DOK6: variants seen among roughly 807,000 people sequenced by gnomAD.
The protein encoded by DOK6 is docking protein 6.
DOK6 carries 22 observed loss-of-function variants against 44.0 expected under a neutral mutation model. That is an observed-to-expected ratio of 0.50 (90% CI 0.36 to 0.71). The LOEUF (loss-of-function observed/expected upper bound fraction) is 0.71, where lower values mean the gene tolerates loss of function less well. Ranked by LOEUF, DOK6 falls within the 30% of genes least tolerant of loss-of-function variation. The probability of loss-of-function intolerance (pLI) is 0.00; values close to 1 mark genes in which losing one functional copy is unlikely to be tolerated. For synonymous variants in DOK6, 166 were observed against 145.5 expected (o/e 1.14, Z -1.01); for missense variants, 340 against 416.4 (o/e 0.82, Z 1.60).
chr18:69,764,442 C>T (rs72969282), intron 7 of DOK6, among the ~76,000 whole-genome samples: 5,503 of 152,212 alleles, frequency 0.036, 132 homozygotes, highest in Middle Eastern at 0.078. Flanking sequence ...CATTAGGTAA[C>T]GGGGGCAGTT....
At chr18:69,519,938 T>C (rs1219872397) in intron 1 of DOK6, among the ~76,000 whole-genome samples, 1 of 151,900 alleles carries the variant, frequency 6.6e-6, no homozygotes, top group Non-Finnish European at 1.5e-5. Flanking sequence ...AATTTTAAAA[T>C]GAAATGTTAT....
At chr18:69,755,187 G>A (rs975666081) in intron 6 of DOK6, among the ~76,000 whole-genome samples, 17 of 152,182 alleles carry the variant, frequency 1.1e-4, no homozygotes, top group African/African-American at 3.6e-4. Flanking sequence ...AATACAGGGT[G>A]ATTCAGAAGC....
At chr18:69,517,794 G>A (rs997321586) in intron 1 of DOK6, among the ~76,000 whole-genome samples, 12 of 151,156 alleles carry the variant, frequency 7.9e-5, no homozygotes, top group African/African-American at 1.7e-4. Context: ...AGCAAATGAC[G>A]TGGATGTGCG....
intron 6 of DOK6, among the ~76,000 whole-genome samples, chr18:69,755,686 G>A (rs913827796): frequency 1.3e-5 from 2 of 152,202 alleles, no homozygotes; most frequent in Non-Finnish European, 2.9e-5. Flanking sequence ...TGTAATGCAC[G>A]TTTTTAACGT....
intron 1 of DOK6, among the ~76,000 whole-genome samples, chr18:69,519,163 G>C (rs1017230451): frequency 6.6e-6 from 1 of 151,916 alleles, no homozygotes; most frequent in African/African-American, 2.4e-5. Flanking sequence ...ATTTTGTATT[G>C]AGCACCAGAG....
intron 1 of DOK6, among the ~76,000 whole-genome samples, chr18:69,557,416 C>G (rs1294204284): frequency 6.6e-6 from 1 of 152,182 alleles, no homozygotes; most frequent in African/African-American, 2.4e-5. Flanking sequence ...AATCTGCCAC[C>G]TACTTCACAG....
At chr18:69,736,043 C>T (rs1257556611) in intron 5 of DOK6, among the ~76,000 whole-genome samples, 1 of 152,192 alleles carries the variant, frequency 6.6e-6, no homozygotes, top group Non-Finnish European at 1.5e-5. Flanking sequence ...TTGTCCTCCT[C>T]ATGGCCCTGT....
intron 5 of DOK6, among the ~76,000 whole-genome samples, chr18:69,711,403 T>A (rs1599278277): frequency 6.6e-6 from 1 of 152,220 alleles, no homozygotes; most frequent in African/African-American, 2.4e-5. Context: ...GCAATTTTCA[T>A]ACCGTTGTTA....
chr18:69,564,426 C>T, intron 1 of DOK6, 61 bp from the exon 2 acceptor site: 1 of 1,435,080 alleles, frequency 7.0e-7, no homozygotes, highest in Non-Finnish European at 9.6e-7. Flanking sequence ...ATTGAATCAA[C>T]TCCTAATGTC....
intron 7 of DOK6, among the ~76,000 whole-genome samples, chr18:69,788,337 CACTT>C (rs1027641565): frequency 9.2e-5 from 14 of 152,162 alleles, no homozygotes; most frequent in African/African-American, 3.1e-4. Context: ...TCTTCTCACT[CACTT>C]AAACAATTGT....
At chr18:69,674,300 C>G (rs944526429) in intron 3 of DOK6, among the ~76,000 whole-genome samples, 8 of 152,174 alleles carry the variant, frequency 5.3e-5, no homozygotes, top group African/African-American at 1.9e-4. Context: ...TCCAAGTATA[C>G]AGACTACAAA....
At chr18:69,492,372 C>T (rs1027646215) in intron 1 of DOK6, among the ~76,000 whole-genome samples, 1 of 151,720 alleles carries the variant, frequency 6.6e-6, no homozygotes, top group Non-Finnish European at 1.5e-5. Flanking sequence ...CTAATAAACC[C>T]CTTATTTCTT....
At chr18:69,409,012 C>G (rs113588697) in intron 1 of DOK6, among the ~76,000 whole-genome samples, 1,619 of 152,192 alleles carry the variant, frequency 0.011, 33 homozygotes, top group African/African-American at 0.037. Flanking sequence ...TGAATTGTAG[C>G]TCCCATAATC....
intron 3 of DOK6, among the ~76,000 whole-genome samples, chr18:69,669,627 C>A (rs1431053205): frequency 6.6e-6 from 1 of 152,136 alleles, no homozygotes; most frequent in African/African-American, 2.4e-5. Context: ...TGGATCTAAT[C>A]TTTCTGGTGG....
chr18:69,821,559 G>A (rs556467210), intron 7 of DOK6, among the ~76,000 whole-genome samples: 1 of 152,044 alleles, frequency 6.6e-6, no homozygotes, highest in Non-Finnish European at 1.5e-5. Flanking sequence ...GTCTCGTAGA[G>A]CAATTTTATG....
At position 69,405,110 on chromosome 18, in the gene DOK6, G is replaced by A. The variant is rs141918184; in HGVS notation, c.66+3800G>A. On this transcript the variant is annotated intron_variant, in intron 1 of 7. Coordinates refer to ENST00000382713, the MANE Select transcript of DOK6 (RefSeq NM_152721.6). ...GAGAATTTTGCTTTTTCATATTTTT[G>A]TTTTAACATCTTATTGTGGATTCAC... Among the ~76,000 whole-genome samples, 36 of 152,148 alleles carry A rather than the reference G, an allele frequency of 2.4e-4. No individual in the cohort carries two copies. The East Asian group carries it at 7.0e-3, about 29-fold the overall frequency.
At chr18:69,491,519 T>C (rs1980733331) in intron 1 of DOK6, among the ~76,000 whole-genome samples, 1 of 152,230 alleles carries the variant, frequency 6.6e-6, no homozygotes, top group Non-Finnish European at 1.5e-5. Flanking sequence ...TAGAAGTACT[T>C]ATGGCTAAAT....
chr18:69,730,594 C>G (rs1426027259), intron 5 of DOK6, among the ~76,000 whole-genome samples: 1 of 152,104 alleles, frequency 6.6e-6, no homozygotes, highest in East Asian at 1.9e-4. Context: ...TATTCACTAA[C>G]ATTTTCGATG....
chr18:69,462,590 C>G lies in DOK6; in HGVS notation c.66+61280C>G, dbSNP rs371048925. On this transcript the variant is annotated intron_variant, in intron 1 of 7. Coordinates refer to ENST00000382713, the MANE Select transcript of DOK6 (RefSeq NM_152721.6). ...CATTGTTGTAAATGATAGAAAGCCC[C>G]TTTCCTGTTTGTGCTAGATTTTGGT... 6.6e-5 allele frequency among the ~76,000 whole-genome samples: 10 copies of G among 152,264 alleles called. No individual in the cohort carries two copies. The South Asian group carries it at 1.7e-3, about 25-fold the overall frequency.
Sources: allele counts gnomAD v4.1 joint callset (sites outside exome capture counted in the v4.1 genomes callset), GRCh38; gene constraint gnomAD v4.1.1; transcripts MANE v1.5; gene names NCBI Gene and HGNC (gene_info 2026-07-23, HGNC 2026-07-21).